Variants in TARBP1 observed in about 807,000 individuals in gnomAD.
The protein encoded by TARBP1 is tRNA (guanosine(18)-2'-O)-methyltransferase TARBP1.
Under a neutral mutation model 178.6 loss-of-function variants are expected in TARBP1, and 144 were observed. That is an observed-to-expected ratio of 0.81 (90% confidence interval 0.70 to 0.93). The LOEUF (loss-of-function observed/expected upper bound fraction) is 0.93, where lower values mean the gene tolerates loss of function less well. Among genes scored for constraint, TARBP1 ranks in the 40% least tolerant of loss-of-function variants. The pLI is 0.00. For synonymous variants in TARBP1, 787 were observed against 781.0 expected (o/e 1.01, Z -0.13); for missense variants, 2,067 against 2,011.7 (o/e 1.03, Z -0.53).
At chr1:234,432,259 T>C (rs924678524) in intron 14 of TARBP1, among the ~76,000 whole-genome samples, 2 of 150,646 alleles carry the variant, frequency 1.3e-5, no homozygotes, top group Admixed American at 1.3e-4. Flanking sequence ...CTGGCCAACA[T>C]GGCAAAACCC....
chr1:234,429,644 C>T lies in TARBP1; in HGVS notation c.2643G>A (p.Trp881Ter), dbSNP rs756606608. ...GAATATATTGTGCAACTATTTTTCC[C>T]CATCCTTGGGAAGATGACGATTCTT... ...VLEESSSSQG[W>*]GKIVAQYIHD... is the part of the protein sequence containing the mutation. The change falls in exon 16 of 30, where the codon TGG (tryptophan) becomes TGA (stop). Residue 881 changes from tryptophan to a stop codon, truncating the protein, a stop_gained. Transcript: ENST00000040877. LOFTEE classifies it high-confidence loss of function. 8.1e-6 allele frequency: 13 copies of T among 1,609,390 alleles called. No homozygotes were observed. Among genetic ancestry groups the T allele is most frequent in the Non-Finnish European group, 1.1e-5 (13 of 1,178,212 alleles).
At chr1:234,403,766 C>T (rs1660940909) in intron 24 of TARBP1, among the ~76,000 whole-genome samples, 1 of 152,172 alleles carries the variant, frequency 6.6e-6, no homozygotes, top group Non-Finnish European at 1.5e-5. Flanking sequence ...TCACTGCAAC[C>T]TCCACCTCCC....
chr1:234,395,850 T>C (rs1659885008), intron 26 of TARBP1, among the ~76,000 whole-genome samples: 2 of 152,296 alleles, frequency 1.3e-5, no homozygotes, highest in Middle Eastern at 3.4e-3. Flanking sequence ...TCTTGTGTTC[T>C]AGTACACAGT....
intron 12 of TARBP1, among the ~76,000 whole-genome samples, chr1:234,440,617 T>C (rs1665493465): frequency 6.6e-6 from 1 of 152,126 alleles, no homozygotes. Flanking sequence ...ACAGATGACA[T>C]GATTATCTAC....
intron 2 of TARBP1, among the ~76,000 whole-genome samples, chr1:234,472,004 G>C (rs570946572): frequency 8.5e-5 from 13 of 152,190 alleles, no homozygotes; most frequent in African/African-American, 3.1e-4. Flanking sequence ...GTAGTTCCCA[G>C]AACAGCAGCA....
chr1:234,393,840 G>A lies in TARBP1; in HGVS notation c.4244-3C>T. On this transcript the variant is annotated splice_polypyrimidine_tract_variant and splice_region_variant and intron_variant, in intron 26 of 29. Transcript: ENST00000040877. ...ATCTGCTTCGACCAAATTAGTACCT[G>A]GGAAGGAAAAAGAAAACAATCCCAC... is the stretch of plus-strand genomic sequence containing the variant. 6.3e-7 allele frequency: 1 copy of A among 1,590,930 alleles called. No homozygotes were observed. The highest frequency in any genetic ancestry group is 1.1e-5 in the South Asian group (1 of 88,818).
At chr1:234,402,700 G>A (rs760527831) in intron 24 of TARBP1, among the ~76,000 whole-genome samples, 8 of 151,882 alleles carry the variant, frequency 5.3e-5, no homozygotes, top group Non-Finnish European at 7.4e-5. Flanking sequence ...TCAGCCTCCC[G>A]AGGTGCTGGG....
intron 22 of TARBP1, among the ~76,000 whole-genome samples, chr1:234,412,579 G>A (rs553454684): frequency 6.6e-6 from 1 of 152,174 alleles, no homozygotes; most frequent in African/African-American, 2.4e-5. Flanking sequence ...TGAGGCAGGA[G>A]GATCATTTGA....
intron 12 of TARBP1, among the ~76,000 whole-genome samples, chr1:234,446,320 T>C (rs888377649): frequency 6.6e-6 from 1 of 152,174 alleles, no homozygotes; most frequent in African/African-American, 2.4e-5. Context: ...CTCTGTGAAG[T>C]ATTTTCTACT....
intron 21 of TARBP1, 149 bp from the exon 22 acceptor site, chr1:234,418,382 A>T (rs1662682175): frequency 1.6e-6 from 1 of 618,810 alleles, no homozygotes; most frequent in Non-Finnish European, 2.6e-6. Flanking sequence ...AAAACTACTG[A>T]TTAAAATATA....
At position 234,448,452 on chromosome 1, in the gene TARBP1, CTTTCT is replaced by C. The variant is rs774571958; in HGVS notation, c.1961+23_1961+27del. 8.2e-6 allele frequency: 13 copies of C among 1,587,198 alleles called. No homozygotes were observed. The South Asian group carries it at 1.4e-4, about 18-fold the overall frequency. Reference sequence around the variant, plus strand: ...TTCTCATCAGGATTTTTCAAATAGGCTTTCTTTTCAATTACAGAAACAATTACCTA... The same window carrying C: ...TTCTCATCAGGATTTTTCAAATAGGCTTTCAATTACAGAAACAATTACCTA... On this transcript the variant is annotated intron_variant, in intron 11 of 29. Transcript: ENST00000040877.
At chr1:234,476,036 C>G (rs897566468) in intron 1 of TARBP1, among the ~76,000 whole-genome samples, 8 of 152,044 alleles carry the variant, frequency 5.3e-5, no homozygotes, top group African/African-American at 1.9e-4. Flanking sequence ...TAAAAAAAAG[C>G]GACTCCATAG....
At chr1:234,448,618 A>C (rs1400761775) in intron 10 of TARBP1, 39 bp from the exon 11 acceptor site, 1 of 1,524,660 alleles carries the variant, frequency 6.6e-7, no homozygotes, top group African/African-American at 1.4e-5. Flanking sequence ...AGCATTAACA[A>C]AATCCTTCAA....
In TARBP1 at chr1:234,395,138, C is replaced by T. The variant is rs150709221; in HGVS notation, c.4244-1301G>A. Among the ~76,000 whole-genome samples, 1,098 of 152,230 alleles carry T rather than the reference C, an allele frequency of 7.2e-3. 14 individuals carry two copies. The highest frequency in any genetic ancestry group is 0.025 in the African/African-American group (1,027 of 41,544). ...ACTAGGGAGGCTGAGGCACGAGAAT[C>T]GCTTGAACCCGTGAGGCAGAGGTTG... On this transcript the variant is annotated intron_variant, in intron 26 of 29. Transcript: ENST00000040877.
Position 234,464,248 on chromosome 1 carries a change from A to G in TARBP1, c.1302-314T>C, listed in dbSNP as rs79630879. Among the ~76,000 whole-genome samples, 96 of 152,346 alleles carry G rather than the reference A, an allele frequency of 6.3e-4. 2 individuals are homozygous for G. The East Asian group carries it at 0.017, about 27-fold the overall frequency. ...TCATAAAAAATAAGAGGCTGAAATG[A>G]TAATTTTAAATTATATTTTATTGTT... is the stretch of plus-strand genomic sequence containing the variant. On this transcript the variant is annotated intron_variant, in intron 5 of 29. Transcript: ENST00000040877.
chr1:234,463,792 C>A lies in TARBP1; in HGVS notation c.1399+45G>T. ...ACCAATTTGCTAAAAAAAAAAGAAA[C>A]TGTAAGCTAAAGCATTTTTAAAAAA... On this transcript the variant is annotated intron_variant, in intron 6 of 29. Transcript: ENST00000040877. 6 of 1,146,976 alleles carry A rather than the reference C, an allele frequency of 5.2e-6. No individual in the cohort carries two copies. In the South Asian group the frequency reaches 5.5e-5, roughly 11 times the overall value. The allele number at this position is 1,146,976 out of a possible 1,614,324, so 71.0% of individuals were successfully genotyped here. A position where few individuals can be genotyped will look rare whatever the true frequency, so the allele number is the denominator to read the frequency against.
At position 234,451,472 on chromosome 1, in the gene TARBP1, G is replaced by GATCAA. The variant is rs1666746619; in HGVS notation, c.1723-907_1723-906insTTGAT. Among the ~76,000 whole-genome samples the GATCAA allele has an allele frequency of 1.2e-4, 4 of 34,442 alleles. 1 individual carries two copies. The highest frequency in any genetic ancestry group is 9.1e-4 in the African/African-American group (3 of 3,310). 22.6% of individuals were successfully genotyped at this position (34,442 alleles called of 152,430 possible). A position where few individuals can be genotyped will look rare whatever the true frequency, so the allele number is the denominator to read the frequency against. ...AAGATAAAACTGATGAATGGGCCGG[G>GATCAA]CGCGGTGGCTCACGCCTGTAATCCC... is the stretch of plus-strand genomic sequence containing the variant. On this transcript the variant is annotated intron_variant, in intron 9 of 29. Transcript: ENST00000040877.
intron 22 of TARBP1, among the ~76,000 whole-genome samples, chr1:234,410,856 T>A (rs1185703817): frequency 2.0e-5 from 3 of 152,242 alleles, no homozygotes; most frequent in Non-Finnish European, 4.4e-5. Context: ...GTGGATCATT[T>A]CAGGCCAGGG....
In TARBP1 at chr1:234,430,086, C is replaced by A; in HGVS notation, c.2609+1G>T. The A allele has an allele frequency of 6.2e-7, 1 of 1,608,934 alleles. No homozygotes were observed. ...TTTTTAAGCCTTAACCTTCCCTGTACCTGCTGCACTCCAAGGGGTGAGCAT... is the reference window on the plus strand; with the variant it reads ...TTTTTAAGCCTTAACCTTCCCTGTAACTGCTGCACTCCAAGGGGTGAGCAT... On this transcript the variant is annotated splice_donor_variant, in intron 15 of 29. Coordinates refer to ENST00000040877, the MANE Select transcript of TARBP1 (RefSeq NM_005646.4). LOFTEE classifies it high-confidence loss of function.
Sources: gnomAD v4.1 joint callset for allele counts (sites outside exome capture counted in the v4.1 genomes callset) on GRCh38, gnomAD v4.1.1 for gene constraint, MANE v1.5 for transcripts, NCBI Gene and HGNC (gene_info 2026-07-23, HGNC 2026-07-21) for gene names.